Variants in SCAMP1 observed in about 807,000 individuals in gnomAD.
The protein encoded by SCAMP1 is secretory carrier-associated membrane protein 1.
In SCAMP1, 15 loss-of-function variants were observed where a neutral mutation model predicts 41.8. The observed-to-expected ratio is 0.36, with a 90% confidence interval of 0.24 to 0.55. The LOEUF is 0.55. Among genes scored for constraint, SCAMP1 ranks in the 20% least tolerant of loss-of-function variants. The pLI is 0.86. For missense variants in SCAMP1, 341 were observed against 412.6 expected (o/e 0.83, Z 1.50); for synonymous variants, 135 against 136.8 (o/e 0.99, Z 0.09).
intron 5 of SCAMP1, 91 bp downstream of exon 5, chr5:78,418,994 A>G (rs1752274006): frequency 3.7e-6 from 4 of 1,083,754 alleles, no homozygotes; most frequent in East Asian, 5.6e-5. Context: ...ATAGCAAACC[A>G]GTCTTCTTTT....
chr5:78,460,816 C>CTTTCTTTCTTTCTTTCTTT lies in SCAMP1; in HGVS notation c.852+1454_852+1455insTTTCTTTCTTTCTTTCTTT, dbSNP rs1325107681. 9.0e-4 allele frequency among the ~76,000 whole-genome samples: 24 copies of CTTTCTTTCTTTCTTTCTTT among 26,746 alleles called. 1 individual carries two copies. The highest frequency in any genetic ancestry group is 1.6e-3 in the Non-Finnish European group (12 of 7,558). The allele number at this position is 26,746 out of a possible 152,430, so 17.5% of individuals were successfully genotyped here. ...TCCTTCCTTCCTTCCTCCCTTCCTT[C>CTTTCTTTCTTTCTTTCTTT]CTTCCTTTCTTGTCTTTCCTCTATC... On this transcript the variant is annotated intron_variant, in intron 8 of 8. Coordinates refer to ENST00000621999, the MANE Select transcript of SCAMP1 (RefSeq NM_004866.6).
Position 78,394,338 on chromosome 5 carries a change from T to A in SCAMP1, c.135+5424T>A, listed in dbSNP as rs202035563. Among the ~76,000 whole-genome samples the A allele has an allele frequency of 5.1e-4, 77 of 151,864 alleles. No homozygotes were observed. The East Asian group carries it at 7.0e-3, about 14-fold the overall frequency. On this transcript the variant is annotated intron_variant, in intron 2 of 8. Transcript: ENST00000621999. ...TATAACCTCTTCGAAAATCTTTTTTTTATATATATATATATTACAATGAAG... is the reference window on the plus strand; with the variant it reads ...TATAACCTCTTCGAAAATCTTTTTTATATATATATATATATTACAATGAAG...
intron 7 of SCAMP1, 29 bp downstream of exon 7, chr5:78,450,063 C>T (rs577291528): frequency 6.7e-6 from 8 of 1,198,686 alleles, no homozygotes; most frequent in African/African-American, 6.2e-5. Context: ...TAGTTTTCAG[C>T]TTTAATCTAA....
chr5:78,472,385 C>T (rs1251210652), intron 8 of SCAMP1, among the ~76,000 whole-genome samples: 2 of 151,916 alleles, frequency 1.3e-5, no homozygotes, highest in Non-Finnish European at 2.9e-5. Flanking sequence ...CTATGCCTCC[C>T]CTTGCCCCCC....
At chr5:78,417,663 T>C (rs929860110) in intron 4 of SCAMP1, among the ~76,000 whole-genome samples, 1 of 152,214 alleles carries the variant, frequency 6.6e-6, no homozygotes, top group African/African-American at 2.4e-5. Context: ...ATTTTACAGA[T>C]ATGGAAACTA....
intron 1 of SCAMP1, among the ~76,000 whole-genome samples, chr5:78,385,126 G>A (rs940359730): frequency 6.6e-6 from 1 of 152,042 alleles, no homozygotes; most frequent in Non-Finnish European, 1.5e-5. Context: ...CAGTCTCACT[G>A]CTTGTTACTG....
chr5:78,386,684 T>C (rs1292972667), intron 1 of SCAMP1, among the ~76,000 whole-genome samples: 1 of 152,138 alleles, frequency 6.6e-6, no homozygotes, highest in Non-Finnish European at 1.5e-5. Context: ...AGCATTTCTT[T>C]GTTGGAAAAA....
At chr5:78,415,640 A>G (rs1177403954) in intron 3 of SCAMP1, 22 bp downstream of exon 3, 11 of 1,393,370 alleles carry the variant, frequency 7.9e-6, no homozygotes, top group Non-Finnish European at 1.1e-5. Context: ...TTAGTTGTAT[A>G]AATTCATATT....
intron 1 of SCAMP1, among the ~76,000 whole-genome samples, chr5:78,369,308 T>C (rs1170902942): frequency 6.6e-6 from 1 of 152,148 alleles, no homozygotes; most frequent in Non-Finnish European, 1.5e-5. Flanking sequence ...GGTTTCACCA[T>C]GTTGGCCAGG....
chr5:78,424,178 G>A (rs184443979), intron 6 of SCAMP1, among the ~76,000 whole-genome samples: 14 of 151,966 alleles, frequency 9.2e-5, no homozygotes, highest in Non-Finnish European at 1.9e-4. Context: ...GCCCAGCCTC[G>A]AGAGGAATAC....
intron 7 of SCAMP1, among the ~76,000 whole-genome samples, chr5:78,458,249 C>A (rs529738805): frequency 1.3e-5 from 2 of 152,308 alleles, no homozygotes; most frequent in South Asian, 4.2e-4. Flanking sequence ...AAACTGTTCT[C>A]TAGAATGCTT....
chr5:78,404,453 G>GTTTTTTTTTTTTTTTTTTTTTTTTT lies in SCAMP1; in HGVS notation c.136-11047_136-11046insTTTTTTTTTTTTTTTTTTTTTTTTT, dbSNP rs3058233. On this transcript the variant is annotated intron_variant, in intron 2 of 8. Coordinates refer to ENST00000621999, the MANE Select transcript of SCAMP1 (RefSeq NM_004866.6). The stretch of plus-strand genomic sequence containing the variant: ...TGAGCCACTGTGCCCAGCCTTACAG[G>GTTTTTTTTTTTTTTTTTTTTTTTTT]TTTTTTTTTTTTTTTTTTTTGCTAG... Among the ~76,000 whole-genome samples, 21 of 98,178 alleles carry GTTTTTTTTTTTTTTTTTTTTTTTTT rather than the reference G, an allele frequency of 2.1e-4. 2 individuals are homozygous for GTTTTTTTTTTTTTTTTTTTTTTTTT. The highest frequency in any genetic ancestry group is 7.2e-4 in the African/African-American group (16 of 22,236). 64.4% of individuals were successfully genotyped at this position (98,178 alleles called of 152,430 possible). A position where few individuals can be genotyped will look rare whatever the true frequency, so the allele number is the denominator to read the frequency against.
intron 6 of SCAMP1, among the ~76,000 whole-genome samples, chr5:78,449,399 G>T (rs957096928): frequency 6.6e-6 from 1 of 151,998 alleles, no homozygotes; most frequent in Non-Finnish European, 1.5e-5. Context: ...AAGGAAAAAA[G>T]ACTACATAAT....
chr5:78,414,385 C>T (rs966703897), intron 2 of SCAMP1, among the ~76,000 whole-genome samples: 7 of 151,978 alleles, frequency 4.6e-5, no homozygotes, highest in East Asian at 1.9e-4. Flanking sequence ...CGGGTTCAAG[C>T]GATTCTTCTG....
rs574627704 is a variant in SCAMP1 at position 78,390,209 on chromosome 5, C to A, written c.135+1295C>A. Among the ~76,000 whole-genome samples the A allele has an allele frequency of 2.7e-4, 41 of 152,290 alleles. 1 individual carries two copies. In the South Asian group the frequency reaches 8.1e-3, roughly 30 times the overall value. On this transcript the variant is annotated intron_variant, in intron 2 of 8. Coordinates refer to ENST00000621999, the MANE Select transcript of SCAMP1 (RefSeq NM_004866.6). Reference sequence around the variant, plus strand: ...AATTGGTTGGTGTTGGGGGAAAAAACCCCACACATTTGGTATCAATAGTAT... The same window carrying A: ...AATTGGTTGGTGTTGGGGGAAAAAAACCCACACATTTGGTATCAATAGTAT...
At chr5:78,381,461 G>A (rs1751203834) in intron 1 of SCAMP1, among the ~76,000 whole-genome samples, 1 of 152,186 alleles carries the variant, frequency 6.6e-6, no homozygotes, top group Admixed American at 6.5e-5. Context: ...TGATGAAAGT[G>A]CTTGTTGATC....
At chr5:78,431,019 T>G (rs941971208) in intron 6 of SCAMP1, among the ~76,000 whole-genome samples, 5 of 152,034 alleles carry the variant, frequency 3.3e-5, no homozygotes, top group Non-Finnish European at 5.9e-5. Flanking sequence ...CTTGGGGCCT[T>G]CCTTTCAGAG....
chr5:78,366,636 T>C (rs1389385627), intron 1 of SCAMP1, among the ~76,000 whole-genome samples: 1 of 152,184 alleles, frequency 6.6e-6, no homozygotes, highest in African/African-American at 2.4e-5. Flanking sequence ...ATCCATCTTA[T>C]TTCATTTACC....
chr5:78,451,541 A>G (rs1231341451), intron 7 of SCAMP1, among the ~76,000 whole-genome samples: 1 of 152,160 alleles, frequency 6.6e-6, no homozygotes, highest in African/African-American at 2.4e-5. Context: ...TCATTTCAAG[A>G]AGGTTATAGA....
Sources: allele counts gnomAD v4.1 joint callset (sites outside exome capture counted in the v4.1 genomes callset), GRCh38; gene constraint gnomAD v4.1.1; transcripts MANE v1.5; gene names NCBI Gene and HGNC (gene_info 2026-07-23, HGNC 2026-07-21).